UBE2V2: variants seen among roughly 807,000 people sequenced by gnomAD.
UBE2V2 encodes the protein ubiquitin conjugating enzyme E2 V2.
In UBE2V2, 9 loss-of-function variants were observed where a neutral mutation model predicts 17.2. The observed-to-expected ratio is 0.52, with a 90% CI of 0.32 to 0.91. The LOEUF is 0.91. Among genes scored for constraint, UBE2V2 ranks in the 40% least tolerant of loss-of-function variants. UBE2V2 has a pLI of 0.04. For missense variants in UBE2V2, 133 were observed against 182.6 expected (o/e 0.73, Z 1.56); for synonymous variants, 61 against 57.5 (o/e 1.06, Z -0.28).
intron 1 of UBE2V2, among the ~76,000 whole-genome samples, chr8:48,008,880 C>T (rs893045446): frequency 6.6e-6 from 1 of 152,164 alleles, no homozygotes; most frequent in Non-Finnish European, 1.5e-5. Flanking sequence ...AAGAGGTGTC[C>T]TGGATCAGAG....
At chr8:48,060,599 ATTC>A (rs1200550455) in intron 3 of UBE2V2, 80 bp from the exon 4 acceptor site, 2 of 1,287,230 alleles carry the variant, frequency 1.6e-6, no homozygotes, top group African/African-American at 3.0e-5. Context: ...TTTCAAAATC[ATTC>A]TTATTAAAAT....
intron 3 of UBE2V2, among the ~76,000 whole-genome samples, chr8:48,057,531 G>C (rs983990599): frequency 1.3e-5 from 2 of 152,140 alleles, no homozygotes; most frequent in Middle Eastern, 3.4e-3. Context: ...TCGAACTTCC[G>C]AACTTAGGTG....
chr8:48,050,312 G>A, intron 3 of UBE2V2: 1 of 153,776 alleles, frequency 6.5e-6, no homozygotes. Flanking sequence ...TTGGCTCACT[G>A]CAACCTCTGC....
At chr8:48,003,484 AG>A (rs1440835879), upstream of UBE2V2, among the ~76,000 whole-genome samples, 1 of 152,116 alleles carries the variant, frequency 6.6e-6, no homozygotes, top group East Asian at 1.9e-4. Flanking sequence ...GAAAATGTCA[AG>A]GCAACAATGT....
At chr8:48,017,897 A>C (rs1228618017) in intron 1 of UBE2V2, among the ~76,000 whole-genome samples, 1 of 141,744 alleles carries the variant, frequency 7.1e-6, no homozygotes, top group African/African-American at 2.7e-5. Context: ...CCCAGGCTGG[A>C]GTGCAGTGGC....
chr8:48,009,542 A>G (rs1042751518), intron 1 of UBE2V2, among the ~76,000 whole-genome samples: 3 of 152,198 alleles, frequency 2.0e-5, no homozygotes, highest in Non-Finnish European at 4.4e-5. Context: ...CTGGAATTAC[A>G]GGTGTGAGCC....
At chr8:48,026,818 A>G (rs2091349416) in intron 1 of UBE2V2, among the ~76,000 whole-genome samples, 1 of 152,114 alleles carries the variant, frequency 6.6e-6, no homozygotes, top group African/African-American at 2.4e-5. Flanking sequence ...TTCATTCATC[A>G]TGTTGGTGGT....
intron 1 of UBE2V2, among the ~76,000 whole-genome samples, chr8:48,026,993 CT>C (rs1269279804): frequency 1.3e-5 from 2 of 151,964 alleles, no homozygotes; most frequent in African/African-American, 4.8e-5. Flanking sequence ...AGGGAGACTT[CT>C]TTTTTTTCGA....
At chr8:48,008,305 C>G, upstream of UBE2V2, 1 of 1,033,898 alleles carries the variant, frequency 9.7e-7, no homozygotes. Flanking sequence ...CCCCGCGACC[C>G]CTCGGCCCAC....
chr8:48,045,758 C>T (rs575247096), intron 2 of UBE2V2, among the ~76,000 whole-genome samples: 1 of 152,246 alleles, frequency 6.6e-6, no homozygotes, highest in South Asian at 2.1e-4. Context: ...ACCTGATGAT[C>T]TTCTCTGCAT....
the UBE2V2 span, among the ~76,000 whole-genome samples, chr8:48,001,531 T>C: frequency 2.6e-5 from 4 of 152,080 alleles, no homozygotes; most frequent in Admixed American, 2.0e-4. Flanking sequence ...CCTGGGAGGT[T>C]AGGGCTGCAG....
chr8:48,045,382 G>A (rs975799256), intron 2 of UBE2V2, among the ~76,000 whole-genome samples: 2 of 152,124 alleles, frequency 1.3e-5, no homozygotes, highest in African/African-American at 2.4e-5. Flanking sequence ...GGATCTGATG[G>A]TAACACACTA....
chr8:48,034,192 G>T (rs2091404274), intron 1 of UBE2V2, among the ~76,000 whole-genome samples: 1 of 147,426 alleles, frequency 6.8e-6, no homozygotes, highest in Non-Finnish European at 1.5e-5. Context: ...TGCCATCTTG[G>T]CTCACTGCAT....
intron 1 of UBE2V2, among the ~76,000 whole-genome samples, chr8:48,020,604 T>C (rs573087785): frequency 6.6e-6 from 1 of 152,304 alleles, no homozygotes; most frequent in Non-Finnish European, 1.5e-5. Flanking sequence ...TGGTTGATTT[T>C]CTCTAGTAGT....
intron 3 of UBE2V2, among the ~76,000 whole-genome samples, chr8:48,052,704 C>T (rs1035530616): frequency 3.9e-5 from 6 of 152,172 alleles, no homozygotes; most frequent in Admixed American, 2.6e-4. Context: ...AGACAAATTG[C>T]GTCGTGTCAT....
Position 48,014,644 on chromosome 8 carries a change from C to CAAA in UBE2V2, c.16+6192_16+6194dup, listed in dbSNP as rs1179934700. On this transcript the variant is annotated intron_variant, in intron 1 of 3. Transcript: ENST00000523111. ...TGGGCAACAGAGAGAGACTCTGCCT[C>CAAA]AAAAAAAAAAAAAAAAAAAATGTGC... Among the ~76,000 whole-genome samples the CAAA allele has an allele frequency of 6.8e-3, 487 of 72,056 alleles. 7 individuals are homozygous for CAAA. Among genetic ancestry groups the CAAA allele is most frequent in the African/African-American group, 0.026 (469 of 17,898 alleles). The allele number at this position is 72,056 out of a possible 152,430, so 47.3% of individuals were successfully genotyped here. A position where few individuals can be genotyped will look rare whatever the true frequency, so the allele number is the denominator to read the frequency against.
intron 1 of UBE2V2, among the ~76,000 whole-genome samples, chr8:48,015,836 T>TTGGAACAG (rs1158578711): frequency 6.6e-6 from 1 of 152,146 alleles, no homozygotes; most frequent in Non-Finnish European, 1.5e-5. Context: ...TTTTTTATGA[T>TTGGAACAG]TGGAACAGTG....
intron 1 of UBE2V2, among the ~76,000 whole-genome samples, chr8:48,025,546 G>A (rs1054464291): frequency 1.3e-5 from 2 of 151,388 alleles, no homozygotes; most frequent in South Asian, 2.1e-4. Flanking sequence ...CCAAAGTGTT[G>A]GGATTATAGG....
rs578056556 is a variant in UBE2V2 at position 48,050,057 on chromosome 8, A to G, written c.291+79A>G. ...ATTATACGTACACACACCATAATAT[A>G]TGTAAGATATTAATATGTAGTTAGG... On this transcript the variant is annotated intron_variant, in intron 3 of 3. Transcript: ENST00000523111. 4.7e-5 allele frequency: 46 copies of G among 988,008 alleles called. No individual in the cohort carries two copies. The South Asian group carries it at 1.3e-3, about 29-fold the overall frequency. The allele number at this position is 988,008 out of a possible 1,614,324, so 61.2% of individuals were successfully genotyped here.
Sources: gnomAD v4.1 joint callset for allele counts (sites outside exome capture counted in the v4.1 genomes callset) on GRCh38, gnomAD v4.1.1 for gene constraint, MANE v1.5 for transcripts, NCBI Gene and HGNC (gene_info 2026-07-23, HGNC 2026-07-21) for gene names.